The following SQOR variants were observed in gnomAD, a reference collection of about 807,000 sequenced individuals.
SQOR encodes the protein sulfide quinone oxidoreductase, also known as sulfide:quinone oxidoreductase, mitochondrial.
SQOR carries 39 observed loss-of-function variants against 48.6 expected under a neutral mutation model. That is an observed-to-expected ratio of 0.80 (90% confidence interval 0.62 to 1.05). The LOEUF is 1.05. Ranked by LOEUF, SQOR falls within the 50% of genes least tolerant of loss-of-function variation. The pLI is 0.00. For missense variants in SQOR, 561 were observed against 559.9 expected (o/e 1.00, Z -0.02); for synonymous variants, 220 against 206.2 (o/e 1.07, Z -0.57).
At chr15:45,663,120 C>T (rs1457208262) in intron 3 of SQOR, among the ~76,000 whole-genome samples, 1 of 152,100 alleles carries the variant, frequency 6.6e-6, no homozygotes, top group African/African-American at 2.4e-5. Context: ...TGGGTTCAAG[C>T]GATTCTCCCA....
intron 1 of SQOR, among the ~76,000 whole-genome samples, chr15:45,650,169 T>TGGCTCTGTCGCCC (rs1188849796): frequency 1.3e-5 from 2 of 152,172 alleles, no homozygotes; most frequent in African/African-American, 4.8e-5. Context: ...CAATGTGGTC[T>TGGCTCTGTCGCCC]GGCTCTGTCG....
chr15:45,637,140 A>G (rs1158516647), intron 1 of SQOR, among the ~76,000 whole-genome samples: 1 of 151,794 alleles, frequency 6.6e-6, no homozygotes, highest in Non-Finnish European at 1.5e-5. Flanking sequence ...ACCCACCACC[A>G]CACCTGGCTA....
intron 1 of SQOR, among the ~76,000 whole-genome samples, chr15:45,643,352 C>A (rs575868889): frequency 6.6e-6 from 1 of 152,132 alleles, no homozygotes; most frequent in Admixed American, 6.5e-5. Context: ...CGTGCCACCA[C>A]GCCCAGCTAA....
intron 1 of SQOR, among the ~76,000 whole-genome samples, chr15:45,646,194 C>T (rs1448674422): frequency 6.6e-6 from 1 of 152,204 alleles, no homozygotes; most frequent in Non-Finnish European, 1.5e-5. Flanking sequence ...CATGTGGGGC[C>T]ACCCAGAGAT....
intron 1 of SQOR, among the ~76,000 whole-genome samples, chr15:45,652,117 GCCC>G (rs1363930990): frequency 6.6e-6 from 1 of 150,944 alleles, no homozygotes; most frequent in East Asian, 2.0e-4. Context: ...CAAGTGATCT[GCCC>G]ACCTTGGCCT....
At chr15:45,684,592 TTC>T (rs66499038) in intron 7 of SQOR, among the ~76,000 whole-genome samples, 57,714 of 150,058 alleles carry the variant, frequency 0.38, 12,841 homozygotes, top group Middle Eastern at 0.57. Context: ...TTAAGGGGTG[TTC>T]TCTCTCTCTC....
chr15:45,632,366 C>A (rs2670812), upstream of SQOR, among the ~76,000 whole-genome samples: 1 of 151,898 alleles, frequency 6.6e-6, no homozygotes, highest in African/African-American at 2.4e-5. Context: ...ACTACAGGCA[C>A]GTGCCACAAT....
chr15:45,640,868 A>G (rs1160623937), intron 1 of SQOR, among the ~76,000 whole-genome samples: 1 of 152,208 alleles, frequency 6.6e-6, no homozygotes, highest in Admixed American at 6.5e-5. Context: ...GCAGATGGGC[A>G]CACACAGGCA....
upstream of SQOR, among the ~76,000 whole-genome samples, chr15:45,634,401 C>G (rs551049354): frequency 6.6e-6 from 1 of 151,622 alleles, no homozygotes; most frequent in Non-Finnish European, 1.5e-5. Context: ...GAACCACTCA[C>G]TGAGACTTTA....
At chr15:45,689,895 G>A (rs1890291104) in intron 9 of SQOR, among the ~76,000 whole-genome samples, 1 of 151,988 alleles carries the variant, frequency 6.6e-6, no homozygotes, top group African/African-American at 2.4e-5. Context: ...ATAGCTGTGT[G>A]TCCCAGGGAA....
chr15:45,678,531 G>A (rs1026531302), intron 6 of SQOR, among the ~76,000 whole-genome samples: 7 of 151,800 alleles, frequency 4.6e-5, no homozygotes, highest in African/African-American at 1.7e-4. Flanking sequence ...GCTGGCTCTT[G>A]TGTCCCTGTG....
rs183153661 is a variant in SQOR at position 45,673,130 on chromosome 15, T to G, written c.460-477T>G. ...GTGGAAGAGCCAGGACTCAAACTGGTATGTGGGATCCTAAAGTCCATGTTT... is the reference window on the plus strand; with the variant it reads ...GTGGAAGAGCCAGGACTCAAACTGGGATGTGGGATCCTAAAGTCCATGTTT... On this transcript the variant is annotated intron_variant, in intron 4 of 9. Transcript: ENST00000260324. Among the ~76,000 whole-genome samples, 813 of 152,244 alleles carry G rather than the reference T, an allele frequency of 5.3e-3. 3 individuals carry two copies. Among genetic ancestry groups the G allele is most frequent in the Non-Finnish European group, 9.6e-3 (655 of 68,004 alleles).
At chr15:45,665,854 G>T (rs1376477282) in intron 3 of SQOR, among the ~76,000 whole-genome samples, 1 of 152,210 alleles carries the variant, frequency 6.6e-6, no homozygotes, top group Non-Finnish European at 1.5e-5. Context: ...AAAGTGTTGG[G>T]ATTACAGGTG....
intron 1 of SQOR, among the ~76,000 whole-genome samples, chr15:45,644,042 A>G (rs1006477204): frequency 2.0e-5 from 3 of 152,106 alleles, no homozygotes; most frequent in African/African-American, 4.8e-5. Flanking sequence ...CTTCGGTACT[A>G]TGTAATTAAA....
rs777334925 is a variant in SQOR, at chr15:45,661,289, T to TAG, written c.235-666_235-665insAG. ...TGGGGTGATTGGGCGAGACTCTGTCTTAAAAAAAAAAAAAAAAAAAAAAAA... is the reference window on the plus strand; with the variant it reads ...TGGGGTGATTGGGCGAGACTCTGTCTAGTAAAAAAAAAAAAAAAAAAAAAAAA... On this transcript the variant is annotated intron_variant, in intron 2 of 9. Transcript: ENST00000260324. Among the ~76,000 whole-genome samples the TAG allele has an allele frequency of 2.6e-4, 22 of 84,380 alleles. 2 individuals are homozygous for TAG. The highest frequency in any genetic ancestry group is 7.7e-4 in the East Asian group (2 of 2,604). 55.4% of individuals were successfully genotyped at this position (84,380 alleles called of 152,430 possible).
chr15:45,657,987 C>T (rs751372709), intron 1 of SQOR, among the ~76,000 whole-genome samples: 2 of 152,054 alleles, frequency 1.3e-5, no homozygotes, highest in Non-Finnish European at 2.9e-5. Context: ...GTCAGGCCAG[C>T]TTTGTGTGTG....
Position 45,659,039 on chromosome 15 carries a change from C to T in SQOR, c.116C>T (p.Ala39Val), listed in dbSNP as rs562295995. 5.8e-5 allele frequency: 92 copies of T among 1,599,776 alleles called. No individual in the cohort carries two copies. The highest frequency in any genetic ancestry group is 1.8e-4 in the Middle Eastern group (1 of 5,708). ...PLQLHTGASH[A>V]ARNHYEVLVL... ...CAGCTGCACACCGGGGCCAGCCATGCGGCCAGGAACCATTATGAGGTGCTG... is the reference window on the plus strand; with the variant it reads ...CAGCTGCACACCGGGGCCAGCCATGTGGCCAGGAACCATTATGAGGTGCTG... The change falls in exon 2 of 10, where the codon GCG becomes GTG. Residue 39 changes from alanine (A) to valine (V), a missense_variant. By Grantham distance (64) the Ala-to-Val change is moderately conservative (BLOSUM62 0). Coordinates refer to ENST00000260324, the MANE Select transcript of SQOR (RefSeq NM_021199.4).
chr15:45,650,001 G>A (rs114658748), intron 1 of SQOR, among the ~76,000 whole-genome samples: 2,512 of 151,436 alleles, frequency 0.017, 80 homozygotes, highest in African/African-American at 0.057. Context: ...TGCCACCACA[G>A]CCCGCTAATT....
chr15:45,643,201 C>T (rs1056050293), intron 1 of SQOR, among the ~76,000 whole-genome samples: 1 of 152,062 alleles, frequency 6.6e-6, no homozygotes, highest in Non-Finnish European at 1.5e-5. Context: ...TGGACACATT[C>T]TTTTTTCTTT....
Sources: gnomAD v4.1 joint callset for allele counts (sites outside exome capture counted in the v4.1 genomes callset) on GRCh38, gnomAD v4.1.1 for gene constraint, MANE v1.5 for transcripts, NCBI Gene and HGNC (gene_info 2026-07-23, HGNC 2026-07-21) for gene names.